TOX: variants seen among roughly 807,000 people sequenced by gnomAD.
TOX encodes thymocyte selection associated high mobility group box, also known as thymocyte selection-associated high mobility group box protein TOX.
In TOX, 11 loss-of-function variants were observed where a neutral mutation model predicts 53.7. That is an observed-to-expected ratio of 0.20 (90% CI 0.13 to 0.34). TOX has a LOEUF of 0.34. Among genes scored for constraint, TOX ranks in the 10% least tolerant of loss-of-function variants. The pLI is 1.00. For synonymous variants in TOX, 225 were observed against 245.3 expected (o/e 0.92, Z 0.77); for missense variants, 570 against 664.6 (o/e 0.86, Z 1.56).
intron 1 of TOX, among the ~76,000 whole-genome samples, chr8:59,049,973 C>G (rs1282595074): frequency 1.3e-5 from 2 of 152,026 alleles, no homozygotes; most frequent in African/African-American, 4.8e-5. Context: ...ATTATATAGT[C>G]ACACTAATAA....
chr8:58,833,605 C>G (rs150702615), intron 5 of TOX, among the ~76,000 whole-genome samples: 65 of 152,300 alleles, frequency 4.3e-4, no homozygotes, highest in Admixed American at 1.5e-3. Flanking sequence ...TCTGCAGGTT[C>G]CAGTCCGTGA....
At chr8:59,090,505 C>T (rs1352262913) in intron 1 of TOX, among the ~76,000 whole-genome samples, 2 of 152,120 alleles carry the variant, frequency 1.3e-5, no homozygotes, top group Non-Finnish European at 2.9e-5. Context: ...TGTTTATTGG[C>T]ACCTGATATT....
intron 1 of TOX, among the ~76,000 whole-genome samples, chr8:59,091,516 G>T (rs185738603): frequency 2.0e-5 from 3 of 152,174 alleles, no homozygotes; most frequent in Admixed American, 1.3e-4. Context: ...AATATAGACA[G>T]ACAGATCTAG....
intron 3 of TOX, among the ~76,000 whole-genome samples, chr8:58,922,541 T>C (rs751056086): frequency 6.6e-6 from 1 of 152,154 alleles, no homozygotes; most frequent in Non-Finnish European, 1.5e-5. Context: ...CACACACATA[T>C]ATATGTGTAT....
chr8:58,925,421 C>T (rs936063031), intron 3 of TOX, among the ~76,000 whole-genome samples: 2 of 152,170 alleles, frequency 1.3e-5, no homozygotes, highest in African/African-American at 2.4e-5. Flanking sequence ...GGACGGGGTC[C>T]CATCCCCTGC....
chr8:59,046,545 C>T (rs1051571437), intron 1 of TOX, among the ~76,000 whole-genome samples: 2 of 152,094 alleles, frequency 1.3e-5, no homozygotes, highest in Non-Finnish European at 1.5e-5. Flanking sequence ...AAAGAACAAA[C>T]ACCATTTTCC....
intron 1 of TOX, among the ~76,000 whole-genome samples, chr8:58,998,953 A>G (rs1813637701): frequency 6.6e-6 from 1 of 152,134 alleles, no homozygotes; most frequent in South Asian, 2.1e-4. Context: ...ATTCAGTTCA[A>G]TCTGTTACTT....
chr8:59,098,445 C>T (rs17305179), intron 1 of TOX, among the ~76,000 whole-genome samples: 272 of 150,264 alleles, frequency 1.8e-3, no homozygotes, highest in Non-Finnish European at 2.8e-3. Context: ...TTTTCCAAAC[C>T]AAAACCTTCT....
At position 59,070,506 on chromosome 8, in the gene TOX, A is replaced by AACACACACACAC. The variant is rs371344375; in HGVS notation, c.102+48368_102+48379dup. On this transcript the variant is annotated intron_variant, in intron 1 of 8. Coordinates refer to ENST00000361421, the MANE Select transcript of TOX (RefSeq NM_014729.3). Reference sequence around the variant, plus strand: ...ACATTCCATAAATTATGTCAAGGAAAACACACACACACACACACACACACA... The same window carrying AACACACACACAC: ...ACATTCCATAAATTATGTCAAGGAAAACACACACACACACACACACACACACACACACACACA... Among the ~76,000 whole-genome samples, 891 of 140,208 alleles carry AACACACACACAC rather than the reference A, an allele frequency of 6.4e-3. 11 individuals are homozygous for AACACACACACAC. Among genetic ancestry groups the AACACACACACAC allele is most frequent in the African/African-American group, 0.021 (787 of 37,660 alleles). 92.0% of individuals were successfully genotyped at this position (140,208 alleles called of 152,430 possible). A position where few individuals can be genotyped will look rare whatever the true frequency, so the allele number is the denominator to read the frequency against.
chr8:58,836,725 A>G (rs1418668194), intron 5 of TOX, among the ~76,000 whole-genome samples: 1 of 152,188 alleles, frequency 6.6e-6, no homozygotes, highest in African/African-American at 2.4e-5. Flanking sequence ...CCCCATCATT[A>G]ATTTCATAGG....
At chr8:58,968,378 T>C (rs1284593817) in intron 1 of TOX, among the ~76,000 whole-genome samples, 1 of 152,244 alleles carries the variant, frequency 6.6e-6, no homozygotes, top group Non-Finnish European at 1.5e-5. Context: ...TCTGAAATTC[T>C]GTAATGATTA....
chr8:58,974,796 C>T (rs192008029), intron 1 of TOX, among the ~76,000 whole-genome samples: 8 of 151,884 alleles, frequency 5.3e-5, no homozygotes, highest in South Asian at 4.2e-4. Context: ...TCCTTTCATG[C>T]GAAAAACTAA....
At chr8:58,864,849 A>G (rs1298721413) in intron 3 of TOX, among the ~76,000 whole-genome samples, 1 of 152,198 alleles carries the variant, frequency 6.6e-6, no homozygotes, top group African/African-American at 2.4e-5. Context: ...ATTGAAAGGG[A>G]AAAGGAACTT....
chr8:59,003,241 C>G (rs13268239), intron 1 of TOX, among the ~76,000 whole-genome samples: 1 of 152,052 alleles, frequency 6.6e-6, no homozygotes, highest in Non-Finnish European at 1.5e-5. Context: ...ACAACTTGCG[C>G]GGTATTATTT....
At chr8:58,853,811 T>C (rs1043073494) in intron 3 of TOX, among the ~76,000 whole-genome samples, 1 of 152,204 alleles carries the variant, frequency 6.6e-6, no homozygotes, top group Non-Finnish European at 1.5e-5. Flanking sequence ...TCTGATCTTC[T>C]TTATGAAATA....
Position 59,110,737 on chromosome 8 carries a change from C to CG in TOX, c.102+8148dup, listed in dbSNP as rs377523262. On this transcript the variant is annotated intron_variant, in intron 1 of 8. Coordinates refer to ENST00000361421, the MANE Select transcript of TOX (RefSeq NM_014729.3). ...TGTGGAGAGGGAAAAAGAGGCCCCCCGGGGGGCCTATCAATATCTGAGGGA... is the reference window on the plus strand; with the variant it reads ...TGTGGAGAGGGAAAAAGAGGCCCCCCGGGGGGGCCTATCAATATCTGAGGGA... Among the ~76,000 whole-genome samples the CG allele has an allele frequency of 4.1e-3, 619 of 151,734 alleles. 4 individuals carry two copies. The highest frequency in any genetic ancestry group is 0.014 in the African/African-American group (575 of 41,394).
At chr8:59,043,225 GCA>G (rs1563427699) in intron 1 of TOX, among the ~76,000 whole-genome samples, 32 of 148,846 alleles carry the variant, frequency 2.1e-4, no homozygotes, top group Admixed American at 9.4e-4. Flanking sequence ...GTGTGTGTGT[GCA>G]TCTGTGTGTG....
At chr8:58,865,841 TTTTTTTGTCCTGAGACAGAGTCTCACTC>T (rs1014985459) in intron 3 of TOX, among the ~76,000 whole-genome samples, 1 of 103,148 alleles carries the variant, frequency 9.7e-6, no homozygotes. Flanking sequence ...TTTTTTTTTT[TTTTTTTGTCCTGAGACAGAGTCTCACTC>T]TGTCGTCCAG....
At chr8:58,823,535 T>G (rs974159315) in intron 6 of TOX, among the ~76,000 whole-genome samples, 3 of 152,208 alleles carry the variant, frequency 2.0e-5, no homozygotes, top group African/African-American at 7.2e-5. Flanking sequence ...GTATATAGTA[T>G]TTTTAAATGG....
Sources: allele counts gnomAD v4.1 joint callset (sites outside exome capture counted in the v4.1 genomes callset), GRCh38; gene constraint gnomAD v4.1.1; transcripts MANE v1.5; gene names NCBI Gene and HGNC (gene_info 2026-07-23, HGNC 2026-07-21).